TTC39C: variants seen among roughly 807,000 people sequenced by gnomAD.
The protein encoded by TTC39C is tetratricopeptide repeat protein 39C.
A neutral mutation model predicts 76.3 loss-of-function variants in TTC39C; 33 were observed. The ratio of observed to expected loss-of-function variants is 0.43; its 90% CI spans 0.33 to 0.58. TTC39C has a LOEUF of 0.58. TTC39C is among the 20% of genes least tolerant of loss of function. TTC39C has a pLI of 0.04. For missense variants in TTC39C, 595 were observed against 701.4 expected, an observed-to-expected ratio of 0.85 and a Z score of 1.71; for synonymous variants, 254 against 260.6, an observed-to-expected ratio of 0.97 and a Z score of 0.24.
chr18:24,067,823 A>G (rs111759885), intron 3 of TTC39C, among the ~76,000 whole-genome samples: 5,262 of 152,200 alleles, frequency 0.035, 284 homozygotes, highest in African/African-American at 0.11. Flanking sequence ...CCCTCTCACC[A>G]GCCATTGCCA....
chr18:24,116,024 C>T (rs2084886914), intron 7 of TTC39C, among the ~76,000 whole-genome samples: 1 of 152,228 alleles, frequency 6.6e-6, no homozygotes, highest in South Asian at 2.1e-4. Flanking sequence ...AAGGTTAACT[C>T]AGGAGTTGGT....
At chr18:24,103,650 A>G (rs1186604736) in intron 6 of TTC39C, among the ~76,000 whole-genome samples, 2 of 152,138 alleles carry the variant, frequency 1.3e-5, no homozygotes, top group African/African-American at 2.4e-5. Context: ...CTTATACTAT[A>G]TGGAGTTTTA....
At position 24,014,918 on chromosome 18, in the gene TTC39C, A is replaced by C. The variant is rs1341407072; in HGVS notation, c.47A>C (p.Asp16Ala). 1 of 1,515,574 alleles carries C rather than the reference A, an allele frequency of 6.6e-7. No homozygotes were observed. The highest frequency in any genetic ancestry group is 1.5e-5 in the African/African-American group (1 of 68,436). 93.9% of individuals were successfully genotyped at this position (1,515,574 alleles called of 1,614,324 possible). The change falls in exon 1 of 14, where the codon GAC becomes GCC. Residue 16 changes from aspartate to alanine, a missense_variant. Physicochemically the swap from Asp to Ala is moderately radical, Grantham distance 126 (BLOSUM62 -2). Transcript: ENST00000317571. The stretch of plus-strand genomic sequence containing the variant: ...CGGCCGCGGCGGCGGGACGACGGAG[A>C]CTCGGACGCGGCAGCGGCGGCGGCG... ...QQRPRRRDDG[D>A]SDAAAAAAAP...
rs79131913 is a variant in TTC39C at position 24,098,087 on chromosome 18, C to T, written c.984+15006C>T. Among the ~76,000 whole-genome samples, 482 of 152,168 alleles carry T rather than the reference C, an allele frequency of 3.2e-3. 4 individuals carry two copies. Among genetic ancestry groups the T allele is most frequent in the East Asian group, 0.025 (131 of 5,192 alleles). On this transcript the variant is annotated intron_variant, in intron 6 of 13. Transcript: ENST00000317571. ...TATATATTATATTATTTTTTATCCA[C>T]TTGTTCTCTCACATATATACATAAC...
intron 1 of TTC39C, chr18:24,019,872 G>T: frequency 6.6e-7 from 1 of 1,526,490 alleles, no homozygotes; most frequent in South Asian, 1.2e-5. Flanking sequence ...AAAGTTTTTT[G>T]ACTTCTGAGA....
chr18:24,106,869 G>C (rs371615142), intron 6 of TTC39C, among the ~76,000 whole-genome samples: 1 of 152,124 alleles, frequency 6.6e-6, no homozygotes, highest in Non-Finnish European at 1.5e-5. Context: ...ATTTTTAGTA[G>C]AGACGGGGTT....
intron 1 of TTC39C, among the ~76,000 whole-genome samples, chr18:24,044,227 T>G (rs1446303296): frequency 6.6e-6 from 1 of 151,646 alleles, no homozygotes; most frequent in Non-Finnish European, 1.5e-5. Flanking sequence ...GAATCGGGAG[T>G]CTGAAGAGGA....
At chr18:24,122,185 G>A (rs945545492) in intron 8 of TTC39C, among the ~76,000 whole-genome samples, 1 of 152,064 alleles carries the variant, frequency 6.6e-6, no homozygotes, top group African/African-American at 2.4e-5. Context: ...GCCCAAATGC[G>A]AGTACGGGAC....
intron 1 of TTC39C, among the ~76,000 whole-genome samples, chr18:23,995,574 G>A (rs527482385): frequency 8.5e-5 from 13 of 152,270 alleles, no homozygotes; most frequent in East Asian, 5.8e-4. Context: ...TGAGTCAATA[G>A]TTCATTCCTT....
intron 7 of TTC39C, among the ~76,000 whole-genome samples, chr18:24,116,858 CT>C (rs143589174): frequency 0.045 from 5,761 of 128,290 alleles, 304 homozygotes; most frequent in East Asian, 0.26. Flanking sequence ...CAGGGTCTCA[CT>C]GTGTCATCCA....
At position 24,080,853 on chromosome 18, in the gene TTC39C, G is replaced by C; in HGVS notation, c.729G>C (p.Leu243=). 6.2e-7 allele frequency: 1 copy of C among 1,614,124 alleles called. No homozygotes were observed. Among genetic ancestry groups the C allele is most frequent in the South Asian group, 1.1e-5 (1 of 91,082 alleles). ...CAAACCTGCTCAAAATCATCAACCT[G>C]CTGGGTTTTCCTGGAGACCGCCTAC... The part of the protein sequence containing the change: ...VPPNLLKIIN[L]LGFPGDRLQG... The change falls in exon 5 of 14, where the codon CTG becomes CTC. Residue 243 remains leucine (L), a synonymous_variant. Coordinates refer to ENST00000317571, the MANE Select transcript of TTC39C (RefSeq NM_001135993.2).
At chr18:24,064,753 T>C (rs967923521) in intron 2 of TTC39C, among the ~76,000 whole-genome samples, 1 of 151,876 alleles carries the variant, frequency 6.6e-6, no homozygotes, top group Non-Finnish European at 1.5e-5. Flanking sequence ...TAATGAATTG[T>C]GTAACAGCAA....
At chr18:24,132,426 C>CA in intron 13 of TTC39C, 59 bp from the exon 14 acceptor site, 2 of 1,491,360 alleles carry the variant, frequency 1.3e-6, no homozygotes, top group Non-Finnish European at 1.9e-6. Flanking sequence ...CTTTATACCA[C>CA]AGTACCCTGT....
At position 23,996,837 on chromosome 18, in the gene TTC39C, C is replaced by A. The variant is rs571984118; in HGVS notation, c.-17+3799C>A. On this transcript the variant is annotated intron_variant, in intron 1 of 13. Coordinates refer to the TTC39C transcript ENST00000304621. ...TATTAAGAAATCAGTTGGCCGGGCA[C>A]AGTGGCTCACGCCTGTAATCCCAGC... is the stretch of plus-strand genomic sequence containing the variant. Among the ~76,000 whole-genome samples, 29 of 152,338 alleles carry A rather than the reference C, an allele frequency of 1.9e-4. No homozygotes were observed. The South Asian group carries it at 5.0e-3, about 26-fold the overall frequency.
At position 24,100,130 on chromosome 18, in the gene TTC39C, G is replaced by T. The variant is rs377444499; in HGVS notation, c.985-14424G>T. ...CACATTTGTTGTATTAGAATAGTTGGATATTTGTGTTCTGGGATTAGGGAT... is the reference window on the plus strand; with the variant it reads ...CACATTTGTTGTATTAGAATAGTTGTATATTTGTGTTCTGGGATTAGGGAT... On this transcript the variant is annotated intron_variant, in intron 6 of 13. Coordinates refer to ENST00000317571, the MANE Select transcript of TTC39C (RefSeq NM_001135993.2). Among the ~76,000 whole-genome samples, 16 of 152,234 alleles carry T rather than the reference G, an allele frequency of 1.1e-4. No individual in the cohort carries two copies. The East Asian group carries it at 2.7e-3, about 26-fold the overall frequency.
At chr18:24,121,692 T>C (rs1187419844) in intron 8 of TTC39C, among the ~76,000 whole-genome samples, 1 of 152,206 alleles carries the variant, frequency 6.6e-6, no homozygotes, top group East Asian at 1.9e-4. Flanking sequence ...CCGTTGCTGT[T>C]TATGACTGGC....
chr18:24,043,140 C>T (rs1487106024), intron 1 of TTC39C, among the ~76,000 whole-genome samples: 1 of 151,958 alleles, frequency 6.6e-6, no homozygotes, highest in Admixed American at 6.6e-5. Flanking sequence ...TAATGTAATT[C>T]GTAGAAGTAG....
chr18:24,057,123 C>T (rs192575064), intron 1 of TTC39C, among the ~76,000 whole-genome samples: 1 of 151,778 alleles, frequency 6.6e-6, no homozygotes, highest in Non-Finnish European at 1.5e-5. Flanking sequence ...ATCTTCTGTT[C>T]CCTTTTAATC....
intron 11 of TTC39C, among the ~76,000 whole-genome samples, chr18:24,129,343 T>A (rs1480947432): frequency 6.6e-6 from 1 of 152,230 alleles, no homozygotes; most frequent in Non-Finnish European, 1.5e-5. Context: ...CATGTCAGTG[T>A]GCATTCAGTT....
Sources: gnomAD v4.1 joint callset for allele counts (sites outside exome capture counted in the v4.1 genomes callset) on GRCh38, gnomAD v4.1.1 for gene constraint, MANE v1.5 for transcripts, NCBI Gene and HGNC (gene_info 2026-07-23, HGNC 2026-07-21) for gene names.